The following ERI2 variants were observed in gnomAD, a reference collection of about 807,000 sequenced individuals.
The protein encoded by ERI2 is ERI1 exoribonuclease 2.
In ERI2, 35 loss-of-function variants were observed where a neutral mutation model predicts 46.8. The ratio of observed to expected loss-of-function variants is 0.75; its 90% CI spans 0.57 to 0.99. The LOEUF is 0.99. Among genes scored for constraint, ERI2 ranks in the 50% least tolerant of loss-of-function variants. The pLI, the probability that ERI2 is intolerant of heterozygous loss-of-function variation, is 0.00. For missense variants in ERI2, 695 were observed against 796.2 expected (o/e 0.87, Z 1.53); for synonymous variants, 224 against 271.0 (o/e 0.83, Z 1.70).
intron 4 of ERI2, 61 bp from the exon 5 acceptor site, chr16:20,801,420 T>G: frequency 6.8e-7 from 1 of 1,477,206 alleles, no homozygotes; most frequent in Non-Finnish European, 9.1e-7. Context: ...TTTAGCATGT[T>G]TTATAACTGT....
chr16:20,799,821 G>T (rs573076377), intron 7 of ERI2, 136 bp downstream of exon 7: 13 of 580,628 alleles, frequency 2.2e-5, no homozygotes, highest in Non-Finnish European at 4.0e-5. Flanking sequence ...TAGAAACAAT[G>T]TGAATTGTTT....
chr16:20,789,513 T>A, exon 10 of ERI2: 1 of 1,613,892 alleles, frequency 6.2e-7, no homozygotes, highest in South Asian at 1.1e-5. Context: ...CTTTTCCTGT[T>A]TACTCATATT....
rs2080826487 is a variant in ERI2 at position 20,804,294 on chromosome 16, G to A, written c.24-624C>T. Among the ~76,000 whole-genome samples, 3 of 152,244 alleles carry A rather than the reference G, an allele frequency of 2.0e-5. No individual in the cohort carries two copies. The South Asian group carries it at 6.2e-4, about 32-fold the overall frequency. On this transcript the variant is annotated intron_variant, in intron 1 of 8. Coordinates refer to ENST00000357967, the MANE Select transcript of ERI2 (RefSeq NM_001142725.2). ...CCTGCATTTTTTAAGCTCTTGCTATGTGTACAGTGCAGTTTTAAGAAGACA... is the reference window on the plus strand; with the variant it reads ...CCTGCATTTTTTAAGCTCTTGCTATATGTACAGTGCAGTTTTAAGAAGACA...
rs371146882 is a variant in ERI2 at position 20,802,834 on chromosome 16, G to T, written c.265C>A (p.Leu89Ile). ...GTCAATTCCATGCAAAATTCTGAAA[G>T]AATTGGATGTTCCTGAGGTTGAACA... ...AYVQPQEHPILSEFCMELTGI... is the reference protein window; with the variant it reads ...AYVQPQEHPIISEFCMELTGI... The change falls in exon 4 of 9, where the codon CTT (leucine) becomes ATT (isoleucine). Residue 89 changes from leucine (L) to isoleucine (I), a missense_variant. By Grantham distance (5) the Leu-to-Ile change is conservative. Coordinates refer to ENST00000357967, the MANE Select transcript of ERI2 (RefSeq NM_001142725.2). 1 of 1,611,002 alleles carries T rather than the reference G, an allele frequency of 6.2e-7. No individual in the cohort carries two copies. Among genetic ancestry groups the T allele is most frequent in the Non-Finnish European group, 8.5e-7 (1 of 1,177,836 alleles).
At chr16:20,781,267 A>C in intron 10 of ERI2, 1 of 1,124,256 alleles carries the variant, frequency 8.9e-7, no homozygotes, top group East Asian at 2.5e-5. Flanking sequence ...AAAGTCAATA[A>C]GCCTGAAAAG....
chr16:20,791,678 G>A (rs1183111961), downstream of ERI2, among the ~76,000 whole-genome samples: 1 of 152,152 alleles, frequency 6.6e-6, no homozygotes, highest in East Asian at 1.9e-4. Flanking sequence ...TGTAATCTCA[G>A]CACTTTGGGA....
At chr16:20,804,441 G>A (rs1198638189) in intron 1 of ERI2, among the ~76,000 whole-genome samples, 1 of 152,028 alleles carries the variant, frequency 6.6e-6, no homozygotes, top group Admixed American at 6.6e-5. Context: ...AAGGCAGGTG[G>A]ATTGCTTGAG....
Position 20,798,806 on chromosome 16 carries a change from TA to T in ERI2, c.993del (p.Phe331LeufsTer17), listed in dbSNP as rs1265823348. Reference protein sequence around the residue: ...LHNVKSSLPLFNTKSSTSVGQ... With the variant: ...LHNVKSSLPLXNTKSSTSVGQ... Reference sequence around the variant, plus strand: ...CCCACAGAAGTAGAGGACTTAGTATTAAAAAGAGGTAAGGAACTTTTGACAT... The same window carrying T: ...CCCACAGAAGTAGAGGACTTAGTATTAAAAGAGGTAAGGAACTTTTGACAT... On this transcript the variant is annotated frameshift_variant, in exon 9 of 9. Coordinates refer to ENST00000357967, the MANE Select transcript of ERI2 (RefSeq NM_001142725.2). LOFTEE classifies it low-confidence loss of function (END_TRUNC). 6.4e-7 allele frequency: 1 copy of T among 1,551,602 alleles called. No individual in the cohort carries two copies. The highest frequency in any genetic ancestry group is 1.2e-5 in the South Asian group (1 of 84,052).
chr16:20,791,245 T>A (rs1200238733), intron 8 of ERI2, among the ~76,000 whole-genome samples: 1 of 152,218 alleles, frequency 6.6e-6, no homozygotes, highest in Admixed American at 6.5e-5. Flanking sequence ...TTTTCTTATG[T>A]CAGACTTGCA....
intron 1 of ERI2, chr16:20,805,771 C>T: frequency 5.0e-6 from 1 of 198,670 alleles, no homozygotes; most frequent in Non-Finnish European, 9.2e-6. Flanking sequence ...CTGCCTTTGC[C>T]TCTTTTAAAA....
rs1172358887 is a variant in ERI2, at chr16:20,803,485, A to G, written c.123T>C (p.Asp41=). ...KQLFDYLIVI[D]FESTCWNDGK... ...CATCATTCCAGCATGTCGATTCAAA[A>G]TCAATGACAATTAAGTAGTCAAACA... The change falls in exon 3 of 9, where the codon GAT becomes GAC. Residue 41 remains aspartate, a synonymous_variant. Transcript: ENST00000357967. 1.2e-6 allele frequency: 2 copies of G among 1,613,902 alleles called. No individual in the cohort carries two copies. The highest frequency in any genetic ancestry group is 1.3e-5 in the African/African-American group (1 of 74,914).
At chr16:20,805,164 A>G (rs1251051114) in intron 1 of ERI2, among the ~76,000 whole-genome samples, 2 of 152,062 alleles carry the variant, frequency 1.3e-5, no homozygotes. Context: ...CGTGGCTCAC[A>G]CCTGTAACCC....
intron 10 of ERI2, among the ~76,000 whole-genome samples, chr16:20,782,579 A>G (rs947768305): frequency 6.6e-6 from 1 of 152,150 alleles, no homozygotes; most frequent in Non-Finnish European, 1.5e-5. Flanking sequence ...TGAGTATCCT[A>G]TGATTTAATT....
chr16:20,799,363 G>A lies in ERI2; in HGVS notation c.644-12C>T. The A allele has an allele frequency of 6.2e-7, 1 of 1,611,684 alleles. No homozygotes were observed. Among genetic ancestry groups the A allele is most frequent in the Non-Finnish European group, 8.5e-7 (1 of 1,178,622 alleles). ...AGAATCGTCCAACCCTGAGGATACA[G>A]ATATCAAACACTGAATTTAGTGGTA... On this transcript the variant is annotated splice_polypyrimidine_tract_variant and intron_variant, in intron 7 of 8. Coordinates refer to ENST00000357967, the MANE Select transcript of ERI2 (RefSeq NM_001142725.2).
At chr16:20,800,811 C>G (rs2080787644) in intron 5 of ERI2, 1 of 175,604 alleles carries the variant, frequency 5.7e-6, no homozygotes, top group African/African-American at 2.4e-5. Context: ...TGCTCTAACA[C>G]AGTCATACAA....
rs758308247 is a variant in ERI2, at chr16:20,802,846, C to G, written c.253G>C (p.Glu85Gln). ...SEFQAYVQPQ[E>Q]HPILSEFCME... ...CAAAATTCTGAAAGAATTGGATGTT[C>G]CTGAGGTTGAACATAAGCCTGGAAC... is the stretch of plus-strand genomic sequence containing the variant. The change falls in exon 4 of 9, where the codon GAA becomes CAA. Residue 85 changes from glutamate (E) to glutamine (Q), a missense_variant. Transcript: ENST00000357967. 1.6e-5 allele frequency: 25 copies of G among 1,611,132 alleles called. No individual in the cohort carries two copies. In the South Asian group the frequency reaches 2.5e-4, roughly 16 times the overall value.
At chr16:20,791,640 T>C (rs559950298), downstream of ERI2, among the ~76,000 whole-genome samples, 13 of 152,232 alleles carry the variant, frequency 8.5e-5, no homozygotes, top group East Asian at 1.4e-3. Context: ...AAAAATCCAA[T>C]TGAGGGCCAG....
Position 20,781,656 on chromosome 16 carries a change from G to A in ERI2, c.895-922C>T, listed in dbSNP as rs142925231. 3 of 1,313,254 alleles carry A rather than the reference G, an allele frequency of 2.3e-6. No individual in the cohort carries two copies. In the African/African-American group the frequency reaches 4.3e-5, roughly 19 times the overall value. 81.4% of individuals were successfully genotyped at this position (1,313,254 alleles called of 1,614,324 possible). A position where few individuals can be genotyped will look rare whatever the true frequency, so the allele number is the denominator to read the frequency against. On this transcript the variant is annotated intron_variant, in intron 10 of 10. Transcript: ENST00000300005. ...TGCTGCGTCAACCAAAGACATTTAA[G>A]CACTTATTTAAGTTGTAGTAAGACC...
Position 20,790,632 on chromosome 16 carries a change from G to C in ERI2, c.815+218C>G, listed in dbSNP as rs201453644. On this transcript the variant is annotated intron_variant, in intron 9 of 10. Transcript: ENST00000300005. The surrounding 1 kb of genome is among the most constrained non-coding windows in gnomAD (Gnocchi z 4.0). ...TGTTCTACCTCCTGGACAAGAAGGA[G>C]ATATTGGCATTCAAGTTCTACCCAA... The C allele has an allele frequency of 6.2e-6, 10 of 1,614,142 alleles. No homozygotes were observed. Among genetic ancestry groups the C allele is most frequent in the Non-Finnish European group, 8.5e-6 (10 of 1,179,998 alleles).
Sources: allele counts gnomAD v4.1 joint callset (sites outside exome capture counted in the v4.1 genomes callset), GRCh38; gene constraint gnomAD v4.1.1; non-coding constraint Gnocchi (gnomAD v3.1); transcripts MANE v1.5; gene names NCBI Gene and HGNC (gene_info 2026-07-23, HGNC 2026-07-21).